SLC24A2: variants seen among roughly 807,000 people sequenced by gnomAD.
SLC24A2 encodes the protein solute carrier family 24 member 2.
SLC24A2 carries 36 observed loss-of-function variants against 62.0 expected under a neutral mutation model. That is an observed-to-expected ratio of 0.58 (90% CI 0.44 to 0.77). The LOEUF (loss-of-function observed/expected upper bound fraction) is 0.77, where lower values mean the gene tolerates loss of function less well. Among genes scored for constraint, SLC24A2 ranks in the 30% least tolerant of loss-of-function variants. SLC24A2 has a pLI of 0.00. For synonymous variants in SLC24A2, 358 were observed against 294.0 expected, an observed-to-expected ratio of 1.22 and a Z score of -2.23; for missense variants, 846 against 817.9, an observed-to-expected ratio of 1.03 and a Z score of -0.42.
chr9:19,783,121 T>C (rs763532975), intron 2 of SLC24A2, among the ~76,000 whole-genome samples: 2 of 152,238 alleles, frequency 1.3e-5, no homozygotes, highest in African/African-American at 2.4e-5. Context: ...TACCCTATGA[T>C]GTACATCATC....
the SLC24A2 span, among the ~76,000 whole-genome samples, chr9:20,108,536 A>G: frequency 6.6e-6 from 1 of 152,206 alleles, no homozygotes; most frequent in African/African-American, 2.4e-5. Context: ...TGATGAGTTC[A>G]TGTCCTTTGT....
At chr9:20,216,490 G>C in the SLC24A2 span, among the ~76,000 whole-genome samples, 1 of 152,184 alleles carries the variant, frequency 6.6e-6, no homozygotes, top group Non-Finnish European at 1.5e-5. Context: ...CTTTATCAGA[G>C]AGGAGATAAT....
chr9:19,582,291 G>A (rs1372768125), intron 5 of SLC24A2, among the ~76,000 whole-genome samples: 1 of 152,168 alleles, frequency 6.6e-6, no homozygotes, highest in Admixed American at 6.5e-5. Flanking sequence ...AATGAATTTT[G>A]TTTCTCTTCT....
At chr9:19,848,464 T>C in the SLC24A2 span, among the ~76,000 whole-genome samples, 1 of 152,206 alleles carries the variant, frequency 6.6e-6, no homozygotes, top group Non-Finnish European at 1.5e-5. Flanking sequence ...GGAGAATAAA[T>C]GACACATATA....
the SLC24A2 span, among the ~76,000 whole-genome samples, chr9:20,213,590 A>C: frequency 1.3e-5 from 2 of 152,208 alleles, no homozygotes; most frequent in African/African-American, 2.4e-5. Flanking sequence ...GAAAAAGAAA[A>C]TAAATATTTG....
intron 2 of SLC24A2, among the ~76,000 whole-genome samples, chr9:19,671,783 A>G (rs1819425670): frequency 8.3e-6 from 1 of 119,972 alleles, no homozygotes; most frequent in African/African-American, 4.4e-5. Context: ...GGATTTTGTC[A>G]AATGCTTTTC....
the SLC24A2 span, among the ~76,000 whole-genome samples, chr9:20,000,731 C>T: frequency 6.6e-6 from 1 of 152,192 alleles, no homozygotes; most frequent in Admixed American, 6.5e-5. Context: ...AGAATGGACC[C>T]CAGTTTTGCC....
chr9:20,290,022 A>G, the SLC24A2 span, among the ~76,000 whole-genome samples: 3 of 152,118 alleles, frequency 2.0e-5, no homozygotes, highest in African/African-American at 7.2e-5. Context: ...TATTGCCCCA[A>G]CCCTGGCTGA....
At chr9:20,006,968 C>T in the SLC24A2 span, among the ~76,000 whole-genome samples, 2 of 152,148 alleles carry the variant, frequency 1.3e-5, no homozygotes, top group African/African-American at 4.8e-5. Flanking sequence ...AAAGTGAGTG[C>T]TCAGTAAGTA....
chr9:19,834,363 T>C, the SLC24A2 span, among the ~76,000 whole-genome samples: 3 of 152,010 alleles, frequency 2.0e-5, no homozygotes, highest in African/African-American at 4.8e-5. Flanking sequence ...GAATAACCAA[T>C]GCAGAGAAGT....
At position 19,558,006 on chromosome 9, in the gene SLC24A2, C is replaced by G. The variant is rs145290851; in HGVS notation, c.1348-7738G>C. Among the ~76,000 whole-genome samples the G allele has an allele frequency of 2.4e-3, 364 of 152,166 alleles. 2 individuals carry two copies. Among genetic ancestry groups the G allele is most frequent in the African/African-American group, 7.8e-3 (323 of 41,526 alleles). On this transcript the variant is annotated intron_variant, in intron 7 of 10. Transcript: ENST00000341998. ...AATTTTTGTTTATTTTTTGTAGAGA[C>G]AAGATTTCACTTAGTTGCCCAGGCT...
intron 7 of SLC24A2, among the ~76,000 whole-genome samples, chr9:19,550,546 C>CT (rs767520376): frequency 6.6e-6 from 1 of 152,138 alleles, no homozygotes; most frequent in Non-Finnish European, 1.5e-5. Context: ...CTGGAGTGGG[C>CT]TACAACTACA....
chr9:20,229,938 G>C, the SLC24A2 span, among the ~76,000 whole-genome samples: 1 of 136,818 alleles, frequency 7.3e-6, no homozygotes, highest in African/African-American at 2.8e-5. Flanking sequence ...CTGTGTCCAT[G>C]TGTTCTCATT....
chr9:20,239,716 A>T, the SLC24A2 span, among the ~76,000 whole-genome samples: 1 of 152,232 alleles, frequency 6.6e-6, no homozygotes, highest in Non-Finnish European at 1.5e-5. Context: ...TAGATACCTG[A>T]ACTGTATGTA....
chr9:20,169,443 G>A, the SLC24A2 span, among the ~76,000 whole-genome samples: 2 of 152,004 alleles, frequency 1.3e-5, no homozygotes, highest in Admixed American at 6.6e-5. Context: ...GCAGGACCCA[G>A]GAGACACCTC....
At chr9:19,894,871 T>C in the SLC24A2 span, among the ~76,000 whole-genome samples, 1 of 152,206 alleles carries the variant, frequency 6.6e-6, no homozygotes. Context: ...TCAAGCAGCC[T>C]GATGACCACC....
the SLC24A2 span, among the ~76,000 whole-genome samples, chr9:20,030,857 A>G: frequency 6.6e-6 from 1 of 152,180 alleles, no homozygotes; most frequent in Non-Finnish European, 1.5e-5. Context: ...CAAATGTAGT[A>G]TCCCTTAATA....
the SLC24A2 span, among the ~76,000 whole-genome samples, chr9:20,186,151 G>T: frequency 6.6e-6 from 1 of 152,038 alleles, no homozygotes; most frequent in Non-Finnish European, 1.5e-5. Flanking sequence ...AGCGTAATAG[G>T]GGGGACTCTT....
the SLC24A2 span, among the ~76,000 whole-genome samples, chr9:20,116,859 A>G: frequency 6.6e-6 from 1 of 152,114 alleles, no homozygotes; most frequent in Non-Finnish European, 1.5e-5. Flanking sequence ...TAGATCATCC[A>G]ATTGTAATAA....
Sources: gnomAD v4.1 joint callset for allele counts (sites outside exome capture counted in the v4.1 genomes callset) on GRCh38, gnomAD v4.1.1 for gene constraint, MANE v1.5 for transcripts, NCBI Gene and HGNC (gene_info 2026-07-23, HGNC 2026-07-21) for gene names.